Variants in TULP4 observed in about 807,000 individuals in gnomAD.
TULP4 encodes tubby-related protein 4.
A neutral mutation model predicts 129.0 loss-of-function variants in TULP4; 16 were observed. That is an observed-to-expected ratio of 0.12 (90% confidence interval 0.08 to 0.19). The LOEUF (loss-of-function observed/expected upper bound fraction) is 0.19. TULP4 is among the 10% of genes least tolerant of loss of function. TULP4 has a pLI of 1.00. For synonymous variants in TULP4, 998 were observed against 854.0 expected, an observed-to-expected ratio of 1.17 and a Z score of -2.94; for missense variants, 1,842 against 2,059.1, an observed-to-expected ratio of 0.89 and a Z score of 2.04.
chr6:158,393,346 A>G (rs1777631462), intron 1 of TULP4, among the ~76,000 whole-genome samples: 1 of 152,134 alleles, frequency 6.6e-6, no homozygotes, highest in Non-Finnish European at 1.5e-5. Flanking sequence ...TGGACCTACC[A>G]TTCTGGGGTC....
intron 1 of TULP4, among the ~76,000 whole-genome samples, chr6:158,316,262 G>GTCTTTGTA (rs113304054): frequency 0.86 from 130,725 of 151,876 alleles, 56,688 homozygotes; most frequent in South Asian, 0.93. Context: ...TTGTGTGCGT[G>GTCTTTGTA]TGGACCTGTG....
chr6:158,506,497 C>G (rs942160658), intron 13 of TULP4, 81 bp from the exon 14 acceptor site: 6 of 919,790 alleles, frequency 6.5e-6, no homozygotes, highest in African/African-American at 1.6e-5. Flanking sequence ...TCCCAAAGTG[C>G]TGGGACTACA....
chr6:158,320,415 AT>A (rs1210477431), intron 1 of TULP4, among the ~76,000 whole-genome samples: 1 of 150,286 alleles, frequency 6.7e-6, no homozygotes, highest in African/African-American at 2.4e-5. Flanking sequence ...ATTTGTACTG[AT>A]TGTCATTTAA....
At chr6:158,449,416 G>A (rs997935222) in intron 4 of TULP4, among the ~76,000 whole-genome samples, 5 of 152,092 alleles carry the variant, frequency 3.3e-5, no homozygotes, top group South Asian at 2.1e-4. Flanking sequence ...CACTTAATTC[G>A]CTTAGCTTTT....
At chr6:158,410,829 C>A (rs2115003361) in intron 1 of TULP4, among the ~76,000 whole-genome samples, 1 of 151,886 alleles carries the variant, frequency 6.6e-6, no homozygotes, top group East Asian at 1.9e-4. Context: ...AAAAATGAAT[C>A]TGGGTTTGTT....
chr6:158,396,114 G>A (rs1171637167), intron 1 of TULP4, among the ~76,000 whole-genome samples: 2 of 152,168 alleles, frequency 1.3e-5, no homozygotes, highest in African/African-American at 2.4e-5. Context: ...AATAATCTTC[G>A]TAGTTCAATG....
At chr6:158,422,664 G>A (rs1347951663) in intron 2 of TULP4, among the ~76,000 whole-genome samples, 1 of 152,220 alleles carries the variant, frequency 6.6e-6, no homozygotes, top group East Asian at 1.9e-4. Flanking sequence ...AAAGCCGAAA[G>A]AGGAGGTCCC....
At chr6:158,260,440 G>A (rs1323085979) in intron 1 of TULP4, among the ~76,000 whole-genome samples, 1 of 152,094 alleles carries the variant, frequency 6.6e-6, no homozygotes, top group African/African-American at 2.4e-5. Context: ...GCTGGGCGAG[G>A]TGGTGGGCGC....
chr6:158,464,916 A>C (rs1267400854), intron 6 of TULP4, among the ~76,000 whole-genome samples: 1 of 152,188 alleles, frequency 6.6e-6, no homozygotes. Context: ...GGGTTTTGCC[A>C]TTTGCAGGTT....
In TULP4 at chr6:158,458,628, A is replaced by C. The variant is rs191306375; in HGVS notation, c.860-2935A>C. Among the ~76,000 whole-genome samples, 234 of 152,374 alleles carry C rather than the reference A, an allele frequency of 1.5e-3. 1 individual carries two copies. Among genetic ancestry groups the C allele is most frequent in the African/African-American group, 5.3e-3 (222 of 41,594 alleles). ...GCAAAGATACTGGGGATTATTTTTT[A>C]AATAAGACAGACATCATTTACAAAA... is the stretch of plus-strand genomic sequence containing the variant. On this transcript the variant is annotated intron_variant, in intron 5 of 13. Coordinates refer to ENST00000367097, the MANE Select transcript of TULP4 (RefSeq NM_020245.5).
At chr6:158,376,488 T>G (rs949793736) in intron 1 of TULP4, among the ~76,000 whole-genome samples, 4 of 152,346 alleles carry the variant, frequency 2.6e-5, no homozygotes, top group Middle Eastern at 3.4e-3. Context: ...GCACCACCTC[T>G]TCTACGTCAC....
At chr6:158,449,482 C>CT (rs1284411022) in intron 4 of TULP4, among the ~76,000 whole-genome samples, 1 of 147,018 alleles carries the variant, frequency 6.8e-6, no homozygotes, top group African/African-American at 2.7e-5. Flanking sequence ...TATTGTGGGG[C>CT]TTAGCTGCTT....
chr6:158,418,529 A>T (rs1160240389), intron 2 of TULP4, among the ~76,000 whole-genome samples: 1 of 151,748 alleles, frequency 6.6e-6, no homozygotes, highest in Non-Finnish European at 1.5e-5. Context: ...GCTAGTTGGG[A>T]GACTGAGTCA....
At chr6:158,239,648 C>T (rs1583664811) in intron 1 of TULP4, among the ~76,000 whole-genome samples, 1 of 72,262 alleles carries the variant, frequency 1.4e-5, no homozygotes, top group South Asian at 4.8e-4. Flanking sequence ...GCTGACCCCC[C>T]CACCTCCCTC....
chr6:158,399,093 A>G (rs918732747), intron 1 of TULP4, among the ~76,000 whole-genome samples: 1 of 152,232 alleles, frequency 6.6e-6, no homozygotes, highest in African/African-American at 2.4e-5. Flanking sequence ...TTGCAGCTAT[A>G]TAGATTAAAT....
chr6:158,356,639 A>G (rs1780653931), intron 1 of TULP4, among the ~76,000 whole-genome samples: 1 of 152,146 alleles, frequency 6.6e-6, no homozygotes, highest in Admixed American at 6.5e-5. Context: ...AATTCTTAAC[A>G]ACGTCAGGAT....
chr6:158,315,181 A>C (rs1436236036), intron 1 of TULP4, among the ~76,000 whole-genome samples: 1 of 152,226 alleles, frequency 6.6e-6, no homozygotes, highest in African/African-American at 2.4e-5. Context: ...CATTTGTGCT[A>C]CTATAACAAA....
intron 6 of TULP4, among the ~76,000 whole-genome samples, chr6:158,476,878 A>C (rs1237217826): frequency 6.6e-6 from 1 of 152,190 alleles, no homozygotes; most frequent in East Asian, 1.9e-4. Flanking sequence ...AGCACCATGT[A>C]GTAAGATAAG....
At position 158,242,299 on chromosome 6, in the gene TULP4, G is replaced by T. The variant is rs947116381; in HGVS notation, n.68+9996G>T. ...ACATGCAGTGTTTAGCACAGCTCAT[G>T]TGTGCCTTCTTGGAAGCCCAGGCTC... On this transcript the variant is annotated intron_variant and non_coding_transcript_variant, in intron 1 of 1. Coordinates refer to the TULP4 transcript ENST00000620026. The T allele has an allele frequency of 1.0e-5, 16 of 1,561,188 alleles. No homozygotes were observed. In the African/African-American group the frequency reaches 2.2e-4, roughly 21 times the overall value.
Sources: allele counts gnomAD v4.1 joint callset (sites outside exome capture counted in the v4.1 genomes callset), GRCh38; gene constraint gnomAD v4.1.1; transcripts MANE v1.5; gene names NCBI Gene and HGNC (gene_info 2026-07-23, HGNC 2026-07-21).